The following RUFY4 variants were observed in gnomAD, a reference collection of about 807,000 sequenced individuals.
RUFY4 encodes the protein RUN and FYVE domain containing 4, also known as RUN and FYVE domain-containing protein 4.
A neutral mutation model predicts 69.0 loss-of-function variants in RUFY4; 73 were observed. The observed-to-expected ratio is 1.06, with a 90% CI of 0.88 to 1.29. The LOEUF is 1.29. Ranked by LOEUF, RUFY4 falls within the 50% of genes most tolerant of loss-of-function variation. RUFY4 has a pLI of 0.00. For synonymous variants in RUFY4, 287 were observed against 271.8 expected, an observed-to-expected ratio of 1.06 and a Z score of -0.55; for missense variants, 770 against 705.6, an observed-to-expected ratio of 1.09 and a Z score of -1.03.
intron 9 of RUFY4, among the ~76,000 whole-genome samples, chr2:218,088,046 C>T (rs910439374): frequency 1.3e-5 from 2 of 151,936 alleles, no homozygotes; most frequent in African/African-American, 4.8e-5. Context: ...GGAGAGAAAG[C>T]AAAAAGACGT....
Position 218,062,835 on chromosome 2 carries a change from C to G in RUFY4, c.-1071+4154C>G, listed in dbSNP as rs557146472. Among the ~76,000 whole-genome samples, 5 of 152,356 alleles carry G rather than the reference C, an allele frequency of 3.3e-5. No individual in the cohort carries two copies. In the East Asian group the frequency reaches 9.6e-4, roughly 29 times the overall value. On this transcript the variant is annotated intron_variant and NMD_transcript_variant, in intron 3 of 13. Coordinates refer to the RUFY4 transcript ENST00000457754. Reference sequence around the variant, plus strand: ...TTGGGGAGCTCTGAGCAGCCATGTGCTGCCATGCAGGATGAGCAGACACAG... The same window carrying G: ...TTGGGGAGCTCTGAGCAGCCATGTGGTGCCATGCAGGATGAGCAGACACAG...
intron 2 of RUFY4, chr2:218,058,574 C>G (rs1689115500): frequency 6.6e-6 from 1 of 152,222 alleles, no homozygotes; most frequent in African/African-American, 2.4e-5. Flanking sequence ...TCCCCAAATT[C>G]TCTTCCTTTC....
At chr2:218,066,177 CTTTT>C (rs58665951), upstream of RUFY4, among the ~76,000 whole-genome samples, 2 of 74,456 alleles carry the variant, frequency 2.7e-5, no homozygotes, top group Non-Finnish European at 4.7e-5. Context: ...CTTTTCTTTT[CTTTT>C]TTTTTTTTTT....
At position 218,075,751 on chromosome 2, in the gene RUFY4, T is replaced by C. The variant is rs190758292; in HGVS notation, c.1248+11T>C. On this transcript the variant is annotated intron_variant, in intron 7 of 10. Coordinates refer to ENST00000344321, the Ensembl canonical transcript of RUFY4. ...CAGGACGAGATCAAGGTGAGAACAG[T>C]TGAGCTCCATACCTGGTTATTTGCC... The C allele has an allele frequency of 5.7e-6, 8 of 1,405,412 alleles. No individual in the cohort carries two copies. Among genetic ancestry groups the C allele is most frequent in the African/African-American group, 2.9e-5 (2 of 68,970 alleles). The allele number at this position is 1,405,412 out of a possible 1,614,324, so 87.1% of individuals were successfully genotyped here. A position where few individuals can be genotyped will look rare whatever the true frequency, so the allele number is the denominator to read the frequency against.
rs547929432 is a variant in RUFY4 at position 218,073,714 on chromosome 2, A to G, written c.531-102A>G. 189 of 1,274,284 alleles carry G rather than the reference A, an allele frequency of 1.5e-4. No individual in the cohort carries two copies. In the South Asian group the frequency reaches 2.4e-3, roughly 16 times the overall value. The allele number at this position is 1,274,284 out of a possible 1,614,324, so 78.9% of individuals were successfully genotyped here. ...GGGTGGGCAGGAAGGAGGAAGTGTC[A>G]TGGGATGAATGCGCTAGTGGAAAGA... On this transcript the variant is annotated intron_variant, in intron 5 of 10. Transcript: ENST00000344321.
intron 2 of RUFY4, among the ~76,000 whole-genome samples, chr2:218,041,016 ATGG>A (rs982952722): frequency 6.6e-6 from 1 of 151,318 alleles, no homozygotes; most frequent in African/African-American, 2.4e-5. Context: ...TTCTCTAGAG[ATGG>A]TTCTCTAGAG....
At chr2:218,059,760 T>C (rs1574500511) in intron 3 of RUFY4, 1 of 166,672 alleles carries the variant, frequency 6.0e-6, no homozygotes, top group Non-Finnish European at 1.5e-5. Flanking sequence ...TTTTGGGTCT[T>C]ATGAATAAGC....
chr2:218,067,739 C>T (rs917313335), upstream of RUFY4, among the ~76,000 whole-genome samples: 1 of 152,182 alleles, frequency 6.6e-6, no homozygotes, highest in African/African-American at 2.4e-5. Context: ...GCACACACAC[C>T]TTCCCCTCCT....
intron 3 of RUFY4, among the ~76,000 whole-genome samples, chr2:218,063,807 A>C (rs531199126): frequency 2.1e-4 from 32 of 152,244 alleles, no homozygotes; most frequent in Admixed American, 9.8e-4. Flanking sequence ...TAGACAAAAT[A>C]ATCTCACCAC....
intron 2 of RUFY4, among the ~76,000 whole-genome samples, chr2:218,039,451 G>A (rs1959028665): frequency 6.6e-6 from 1 of 152,206 alleles, no homozygotes; most frequent in East Asian, 1.9e-4. Context: ...CGTTGATTGA[G>A]CACTTACTAT....
At chr2:218,066,254 G>A (rs964295496), upstream of RUFY4, among the ~76,000 whole-genome samples, 6 of 133,768 alleles carry the variant, frequency 4.5e-5, no homozygotes, top group African/African-American at 1.7e-4. Flanking sequence ...CACAATCTCA[G>A]CTCACTGCAA....
At chr2:218,052,098 C>G (rs151187061) in intron 2 of RUFY4, among the ~76,000 whole-genome samples, 1 of 152,172 alleles carries the variant, frequency 6.6e-6, no homozygotes, top group African/African-American at 2.4e-5. Flanking sequence ...ACAGGTCATA[C>G]GTCACTGCCT....
At chr2:218,061,340 G>T in intron 3 of RUFY4, 1 of 246,396 alleles carries the variant, frequency 4.1e-6, no homozygotes, top group South Asian at 5.1e-5. Context: ...GGTCATAGCT[G>T]AAACTGTAAT....
At chr2:218,036,560 G>A (rs1385128728) in intron 2 of RUFY4, among the ~76,000 whole-genome samples, 1 of 152,210 alleles carries the variant, frequency 6.6e-6, no homozygotes, top group African/African-American at 2.4e-5. Flanking sequence ...GTGGCCTAAC[G>A]GATCTCTTAG....
At chr2:218,052,027 A>G (rs1688953905) in intron 2 of RUFY4, among the ~76,000 whole-genome samples, 1 of 152,138 alleles carries the variant, frequency 6.6e-6, no homozygotes, top group Non-Finnish European at 1.5e-5. Flanking sequence ...TTTTCCTCTT[A>G]AAGCTTTTCA....
chr2:218,060,636 G>T, intron 3 of RUFY4: 1 of 1,358,598 alleles, frequency 7.4e-7, no homozygotes, highest in Non-Finnish European at 1.1e-6. Flanking sequence ...GCAGCCAGCA[G>T]AGCAGGAAAA....
chr2:218,048,685 T>C (rs1348485376), intron 2 of RUFY4, among the ~76,000 whole-genome samples: 1 of 152,240 alleles, frequency 6.6e-6, no homozygotes, highest in African/African-American at 2.4e-5. Context: ...TTCTGATTTC[T>C]ATTTTTTTAA....
intron 3 of RUFY4, chr2:218,060,608 G>T: frequency 7.4e-7 from 1 of 1,346,478 alleles, no homozygotes; most frequent in Non-Finnish European, 1.1e-6. Flanking sequence ...GTGTCTGCCA[G>T]CAGGACCAGG....
At chr2:218,072,681 C>G (rs1334141625) in intron 3 of RUFY4, 98 bp from the exon 6 acceptor site, 1 of 1,293,470 alleles carries the variant, frequency 7.7e-7, no homozygotes, top group Non-Finnish European at 1.0e-6. Flanking sequence ...CCCCTGCACC[C>G]TTCCCATTGC....
Sources: gnomAD v4.1 joint callset for allele counts (sites outside exome capture counted in the v4.1 genomes callset) on GRCh38, gnomAD v4.1.1 for gene constraint, MANE v1.5 for transcripts, NCBI Gene and HGNC (gene_info 2026-07-23, HGNC 2026-07-21) for gene names.